C1orf198: variants seen among roughly 807,000 people sequenced by gnomAD.
C1orf198 encodes chromosome 1 open reading frame 198.
C1orf198 carries 17 observed loss-of-function variants against 31.4 expected under a neutral mutation model. That is an observed-to-expected ratio of 0.54 (90% CI 0.37 to 0.81). The LOEUF is 0.81. Ranked by LOEUF, C1orf198 falls within the 40% of genes least tolerant of loss-of-function variation. C1orf198 has a pLI of 0.00. For synonymous variants in C1orf198, 175 were observed against 193.8 expected, an observed-to-expected ratio of 0.90 and a Z score of 0.81; for missense variants, 401 against 450.3, an observed-to-expected ratio of 0.89 and a Z score of 0.99.
chr1:230,847,137 G>A (rs1669614452), intron 2 of C1orf198, among the ~76,000 whole-genome samples: 1 of 144,252 alleles, frequency 6.9e-6, no homozygotes. Flanking sequence ...AAATCAGCCG[G>A]GCATGGCGAC....
Position 230,839,767 on chromosome 1 carries a change from G to C in C1orf198, c.*85C>G. On this transcript the variant is annotated 3_prime_UTR_variant, in exon 4 of 4. Coordinates refer to ENST00000366663, the MANE Select transcript of C1orf198 (RefSeq NM_032800.3). ...TGTCAAGAAACCAGTAAAATACATA[G>C]GAAAAGGTGGCCCTTTTTATCCTCC... The C allele has an allele frequency of 8.6e-7, 1 of 1,156,274 alleles. No homozygotes were observed. Among genetic ancestry groups the C allele is most frequent in the South Asian group, 1.4e-5 (1 of 70,258 alleles). The allele number at this position is 1,156,274 out of a possible 1,614,324, so 71.6% of individuals were successfully genotyped here.
At chr1:230,855,870 G>A in intron 1 of C1orf198, 152 bp from the exon 2 acceptor site, 2 of 1,454,512 alleles carry the variant, frequency 1.4e-6, no homozygotes, top group African/African-American at 2.8e-5. Flanking sequence ...TCAATATAAT[G>A]CGCTGACCGT....
intron 2 of C1orf198, among the ~76,000 whole-genome samples, chr1:230,852,396 G>A (rs925260530): frequency 6.6e-6 from 1 of 152,190 alleles, no homozygotes; most frequent in African/African-American, 2.4e-5. Flanking sequence ...CCATGGGCTA[G>A]TGAGAGTGGG....
chr1:230,869,535 A>G (rs1670217642), upstream of C1orf198: 1 of 152,038 alleles, frequency 6.6e-6, no homozygotes, highest in Non-Finnish European at 1.5e-5. Flanking sequence ...AAAAACAAAA[A>G]CCAGCATTTC....
chr1:230,855,549 C>A, intron 2 of C1orf198, 119 bp downstream of exon 2: 2 of 1,055,608 alleles, frequency 1.9e-6, no homozygotes, highest in Non-Finnish European at 2.8e-6. Flanking sequence ...ATGGACACAT[C>A]CCCTGCAGCC....
chr1:230,843,724 T>C lies in C1orf198; in HGVS notation c.557A>G (p.Glu186Gly). 6.2e-7 allele frequency: 1 copy of C among 1,614,152 alleles called. No homozygotes were observed. The highest frequency in any genetic ancestry group is 8.5e-7 in the Non-Finnish European group (1 of 1,180,024). The change falls in exon 3 of 4, where the codon GAG (glutamate) becomes GGG (glycine). Residue 186 changes from glutamate (E) to glycine (G), a missense_variant. Physicochemically the swap from Glu to Gly is moderately conservative, Grantham distance 98. Coordinates refer to ENST00000366663, the MANE Select transcript of C1orf198 (RefSeq NM_032800.3). This position sits in a 1 kb window ranked among gnomAD's most constrained non-coding sequence, Gnocchi z 4.9. The part of the protein sequence containing the change: ...LDALGPTRKE[E>G]EASFWKINAE... ...ATTGATCTTCCAGAATGACGCTTCC[T>C]CCTCCTTCCTGGTGGGGCCCAGGGC...
At chr1:230,863,670 G>A (rs1670048377) in intron 1 of C1orf198, among the ~76,000 whole-genome samples, 1 of 152,200 alleles carries the variant, frequency 6.6e-6, no homozygotes, top group Admixed American at 6.5e-5. Context: ...TCCCAGGGCA[G>A]CAGGCCACGT....
intron 2 of C1orf198, among the ~76,000 whole-genome samples, chr1:230,847,032 G>A (rs1230995556): frequency 6.7e-6 from 1 of 149,728 alleles, no homozygotes; most frequent in Non-Finnish European, 1.5e-5. Flanking sequence ...GAACCCGGGA[G>A]GCGAAGCTTG....
intron 2 of C1orf198, among the ~76,000 whole-genome samples, chr1:230,845,400 T>C (rs1669560586): frequency 6.7e-6 from 1 of 148,212 alleles, no homozygotes; most frequent in Non-Finnish European, 1.5e-5. Context: ...ATACTAAAAA[T>C]AGGCCAGGCA....
At position 230,863,230 on chromosome 1, in the gene C1orf198, C is replaced by G. The variant is rs1670036906; in HGVS notation, c.333+4950G>C. The stretch of plus-strand genomic sequence containing the variant: ...TTTAACCATGGGGCATGTTTTCCAC[C>G]ATGAATACGAATCCAGAAACTCAAG... On this transcript the variant is annotated intron_variant, in intron 1 of 3. Coordinates refer to ENST00000366663, the MANE Select transcript of C1orf198 (RefSeq NM_032800.3). Among the ~76,000 whole-genome samples, 4 of 152,108 alleles carry G rather than the reference C, an allele frequency of 2.6e-5. No homozygotes were observed. In the South Asian group the frequency reaches 8.3e-4, roughly 31 times the overall value.
At chr1:230,852,402 G>GA (rs1669769808) in intron 2 of C1orf198, among the ~76,000 whole-genome samples, 3 of 152,224 alleles carry the variant, frequency 2.0e-5, no homozygotes, top group Admixed American at 6.5e-5. Context: ...GCTAGTGAGA[G>GA]TGGGGGGCAG....
At chr1:230,844,444 G>T (rs573807459) in intron 2 of C1orf198, among the ~76,000 whole-genome samples, 1 of 152,032 alleles carries the variant, frequency 6.6e-6, no homozygotes, top group African/African-American at 2.4e-5. Context: ...CATGTTTCCT[G>T]TGCAGCCCGC....
At chr1:230,852,854 C>G (rs1357834348) in intron 2 of C1orf198, among the ~76,000 whole-genome samples, 1 of 152,222 alleles carries the variant, frequency 6.6e-6, no homozygotes, top group Non-Finnish European at 1.5e-5. Flanking sequence ...GGTGCAATCT[C>G]TTTCCTCAAA....
Position 230,855,838 on chromosome 1 carries a change from C to A in C1orf198, c.334-120G>T, listed in dbSNP as rs200839725. On this transcript the variant is annotated intron_variant, in intron 1 of 3. Coordinates refer to ENST00000366663, the MANE Select transcript of C1orf198 (RefSeq NM_032800.3). Reference sequence around the variant, plus strand: ...AATAATCCCAACTCCTGGCTCTAAACAAGCCTGATGCTTTGACACTCTCAA... The same window carrying A: ...AATAATCCCAACTCCTGGCTCTAAAAAAGCCTGATGCTTTGACACTCTCAA... 2.1e-5 allele frequency: 32 copies of A among 1,505,672 alleles called. No individual in the cohort carries two copies. In the East Asian group the frequency reaches 7.4e-4, roughly 35 times the overall value. 93.3% of individuals were successfully genotyped at this position (1,505,672 alleles called of 1,614,324 possible).
At chr1:230,839,979 C>T in intron 3 of C1orf198, 71 bp from the exon 4 acceptor site, 1 of 1,398,060 alleles carries the variant, frequency 7.2e-7, no homozygotes, top group Non-Finnish European at 9.9e-7. Context: ...CTAAAAACAG[C>T]ATCTCATTTA....
intron 2 of C1orf198, among the ~76,000 whole-genome samples, chr1:230,846,423 G>A (rs1286835342): frequency 6.6e-6 from 1 of 152,230 alleles, no homozygotes; most frequent in Non-Finnish European, 1.5e-5. Context: ...CACTCTCCCA[G>A]GATTCTCGCC....
intron 2 of C1orf198, among the ~76,000 whole-genome samples, chr1:230,848,681 G>GA (rs1318079258): frequency 6.6e-6 from 1 of 151,786 alleles, no homozygotes; most frequent in Non-Finnish European, 1.5e-5. Flanking sequence ...ATTGTATATC[G>GA]AAAAAAAACC....
intron 1 of C1orf198, among the ~76,000 whole-genome samples, chr1:230,861,868 C>T (rs567719873): frequency 1.3e-5 from 2 of 152,286 alleles, no homozygotes; most frequent in South Asian, 4.1e-4. Context: ...CGGCAACACG[C>T]GTATTGATGC....
At chr1:230,854,503 A>T (rs1406457706) in intron 2 of C1orf198, among the ~76,000 whole-genome samples, 1 of 152,056 alleles carries the variant, frequency 6.6e-6, no homozygotes, top group Non-Finnish European at 1.5e-5. Flanking sequence ...AGTGCTGGTC[A>T]CCCCTGCAAC....
Sources: allele counts gnomAD v4.1 joint callset (sites outside exome capture counted in the v4.1 genomes callset), GRCh38; gene constraint gnomAD v4.1.1; non-coding constraint Gnocchi (gnomAD v3.1); transcripts MANE v1.5; gene names NCBI Gene and HGNC (gene_info 2026-07-23, HGNC 2026-07-21).